Variants in OPTN observed in about 807,000 individuals in gnomAD.
OPTN encodes the protein E3-14.7K-interacting protein.
Under a neutral mutation model 70.4 loss-of-function variants are expected in OPTN, and 54 were observed. That is an observed-to-expected ratio of 0.77 (90% CI 0.62 to 0.96). OPTN has a LOEUF of 0.96. OPTN is among the 40% of genes least tolerant of loss of function. The probability of loss-of-function intolerance (pLI) is 0.00; values close to 1 mark genes in which losing one functional copy is unlikely to be tolerated. For missense variants in OPTN, 624 were observed against 673.2 expected, an observed-to-expected ratio of 0.93 and a Z score of 0.81; for synonymous variants, 256 against 248.5, an observed-to-expected ratio of 1.03 and a Z score of -0.28.
intron 14 of OPTN, among the ~76,000 whole-genome samples, chr10:13,134,274 G>T (rs1039335027): frequency 6.6e-6 from 1 of 152,062 alleles, no homozygotes; most frequent in Non-Finnish European, 1.5e-5. Flanking sequence ...TCTCTTTCCA[G>T]TGACCTCTTA....
At position 13,112,586 on chromosome 10, in the gene OPTN, T is replaced by G. The variant is rs750224661; in HGVS notation, c.503T>G (p.Leu168Arg). Residue 168 changes from leucine (L) to arginine (R), a missense_variant, in exon 5 of 15, where the codon CTG becomes CGG. By Grantham distance (102) the Leu-to-Arg change is moderately radical. Coordinates refer to ENST00000378747, the MANE Select transcript of OPTN (RefSeq NM_001008212.2). Reference sequence around the variant, plus strand: ...ATCGTGTCTGAACTGCAGCTCAAGCTGAACTCCAGCGGCTCCTCAGAAGAT... The same window carrying G: ...ATCGTGTCTGAACTGCAGCTCAAGCGGAACTCCAGCGGCTCCTCAGAAGAT... ...LGIVSELQLK[L>R]NSSGSSEDSF... 1.9e-6 allele frequency: 3 copies of G among 1,614,186 alleles called. No individual in the cohort carries two copies. Among genetic ancestry groups the G allele is most frequent in the South Asian group, 1.1e-5 (1 of 91,088 alleles).
rs1165425749 is a variant in OPTN at position 13,112,152 on chromosome 10, C to CTTTTTTTT, written c.370-290_370-283dup. ...GCGTGAGCCACCACGCCTGGCTTGGCTTTTTTTTTTTTTTTTTTGAGACAG... is the reference window on the plus strand; with the variant it reads ...GCGTGAGCCACCACGCCTGGCTTGGCTTTTTTTTTTTTTTTTTTTTTTTTTTGAGACAG... On this transcript the variant is annotated intron_variant, in intron 4 of 14. Coordinates refer to ENST00000378747, the MANE Select transcript of OPTN (RefSeq NM_001008212.2). 1.6e-5 allele frequency among the ~76,000 whole-genome samples: 2 copies of CTTTTTTTT among 122,852 alleles called. 1 individual carries two copies. The highest frequency in any genetic ancestry group is 6.1e-5 in the African/African-American group (2 of 32,640). 80.6% of individuals were successfully genotyped at this position (122,852 alleles called of 152,430 possible). A position where few individuals can be genotyped will look rare whatever the true frequency, so the allele number is the denominator to read the frequency against.
chr10:13,117,303 A>C (rs2131502726), intron 6 of OPTN, among the ~76,000 whole-genome samples: 1 of 151,504 alleles, frequency 6.6e-6, no homozygotes, highest in East Asian at 2.0e-4. Context: ...GATGGTCTCG[A>C]TCTCCTGACC....
intron 13 of OPTN, 88 bp from the exon 14 acceptor site, chr10:13,133,414 T>C (rs1001748494): frequency 2.0e-5 from 23 of 1,161,400 alleles, no homozygotes; most frequent in African/African-American, 2.0e-4. Flanking sequence ...GAGTCTTTTT[T>C]CCCCTACTTC....
intron 1 of OPTN, among the ~76,000 whole-genome samples, chr10:13,102,947 T>TTA (rs1832782015): frequency 6.8e-6 from 1 of 146,898 alleles, no homozygotes; most frequent in Admixed American, 6.8e-5. Context: ...AGTCTTAATT[T>TTA]AAAAAAAAAA....
chr10:13,110,161 A>G, intron 3 of OPTN, 113 bp from the exon 4 acceptor site: 1 of 1,552,028 alleles, frequency 6.4e-7, no homozygotes, highest in Non-Finnish European at 8.7e-7. Flanking sequence ...AAGGCTAAGC[A>G]TGGCATCTTT....
At chr10:13,116,601 G>A (rs1426657494) in intron 6 of OPTN, 1 of 529,834 alleles carries the variant, frequency 1.9e-6, no homozygotes, top group Non-Finnish European at 3.4e-6. Context: ...GATGAAAAGT[G>A]AAAGCAAACT....
At chr10:13,115,912 A>C (rs1314120907) in intron 5 of OPTN, among the ~76,000 whole-genome samples, 1 of 152,010 alleles carries the variant, frequency 6.6e-6, no homozygotes, top group African/African-American at 2.4e-5. Flanking sequence ...GGATATGTGG[A>C]GTTGTCACCA....
At chr10:13,108,671 C>T (rs1052251608) in intron 2 of OPTN, among the ~76,000 whole-genome samples, 2 of 151,950 alleles carry the variant, frequency 1.3e-5, no homozygotes, top group Admixed American at 6.6e-5. Flanking sequence ...CTCAGCCTCC[C>T]GAGTAGCTGG....
chr10:13,114,893 AT>A, intron 5 of OPTN, among the ~76,000 whole-genome samples: 1 of 91,544 alleles, frequency 1.1e-5, no homozygotes, highest in Non-Finnish European at 2.1e-5. Flanking sequence ...ATACACTTAC[AT>A]ATGTATCTGT....
Position 13,132,195 on chromosome 10 carries a change from C to T in OPTN, c.1530C>T (p.Gly510=). ...LKENDAFEDG[G]RQSLMEMQSR... ...AGAATGATGCTTTCGAAGACGGAGGCAGGTAAGGAAAAGAGAGAGGAGGAC... is the reference window on the plus strand; with the variant it reads ...AGAATGATGCTTTCGAAGACGGAGGTAGGTAAGGAAAAGAGAGAGGAGGAC... The change falls in exon 13 of 15, where the codon GGC becomes GGT. Residue 510 remains glycine (G), a splice_region_variant and synonymous_variant. Transcript: ENST00000378747. 6.2e-7 allele frequency: 1 copy of T among 1,611,922 alleles called. No homozygotes were observed. The highest frequency in any genetic ancestry group is 1.3e-5 in the African/African-American group (1 of 74,938).
chr10:13,128,881 G>A lies in OPTN; in HGVS notation c.1401+978G>A, dbSNP rs116450846. Among the ~76,000 whole-genome samples the A allele has an allele frequency of 5.5e-3, 836 of 152,078 alleles. 8 individuals are homozygous for A. The highest frequency in any genetic ancestry group is 0.019 in the African/African-American group (786 of 41,466). ...AAATGTAATGACTTCTATGTATACT[G>A]CACATACAAGTCTTTGTCAGTTATT... On this transcript the variant is annotated intron_variant, in intron 12 of 14. Coordinates refer to ENST00000378747, the MANE Select transcript of OPTN (RefSeq NM_001008212.2).
chr10:13,107,042 G>C (rs908085767), intron 1 of OPTN, among the ~76,000 whole-genome samples: 2 of 152,082 alleles, frequency 1.3e-5, no homozygotes, highest in African/African-American at 4.8e-5. Flanking sequence ...AGTGTACATT[G>C]GTGCTTAATA....
chr10:13,121,329 CT>C (rs1418334626), intron 7 of OPTN, among the ~76,000 whole-genome samples: 1 of 151,902 alleles, frequency 6.6e-6, no homozygotes, highest in East Asian at 1.9e-4. Context: ...TTAGGATCAG[CT>C]TGTTAATTTG....
intron 11 of OPTN, among the ~76,000 whole-genome samples, chr10:13,126,839 G>A (rs1461776127): frequency 2.0e-5 from 3 of 152,108 alleles, no homozygotes; most frequent in Non-Finnish European, 2.9e-5. Flanking sequence ...ACCAGCCTGG[G>A]CAACAGGGAG....
chr10:13,120,568 C>T (rs1028458559), intron 7 of OPTN, among the ~76,000 whole-genome samples: 3 of 140,906 alleles, frequency 2.1e-5, no homozygotes, highest in Admixed American at 7.1e-5. Flanking sequence ...GAGACTCTGT[C>T]TCAAAAAAAA....
rs1032995507 is a variant in OPTN, at chr10:13,136,758, G to A, written c.1626G>A (p.Arg542=). 2 of 1,614,022 alleles carry A rather than the reference G, an allele frequency of 1.2e-6. No homozygotes were observed. The stretch of plus-strand genomic sequence containing the variant: ...ACTTATTCCCAGGAGCTGAGGACAG[G>A]GACTGGCGGCAACAGCGGAATATTC... The part of the protein sequence containing the change: ...AYLVQRGAED[R]DWRQQRNIPI... Residue 542 remains arginine, a synonymous_variant, in exon 15 of 15, where the codon AGG becomes AGA. Transcript: ENST00000378747.
Position 13,137,258 on chromosome 10 carries a change from G to A in OPTN, c.*392G>A. 5.8e-6 allele frequency: 2 copies of A among 346,016 alleles called. No homozygotes were observed. Among genetic ancestry groups the A allele is most frequent in the South Asian group, 3.7e-5 (1 of 26,672 alleles). The allele number at this position is 346,016 out of a possible 1,614,324, so 21.4% of individuals were successfully genotyped here. On this transcript the variant is annotated 3_prime_UTR_variant, in exon 15 of 15. Coordinates refer to ENST00000378747, the MANE Select transcript of OPTN (RefSeq NM_001008212.2). ...GACACCACTGCACTCCAGCCTGGGT[G>A]ACAGAGGGAGACTCTGTCTCGAAAG... is the stretch of plus-strand genomic sequence containing the variant.
chr10:13,116,434 G>A (rs1833212066), intron 6 of OPTN, 94 bp downstream of exon 6: 1 of 831,386 alleles, frequency 1.2e-6, no homozygotes, highest in African/African-American at 1.7e-5. Context: ...GTGACCTGAG[G>A]AAGTAACTTC....
Sources: allele counts gnomAD v4.1 joint callset (sites outside exome capture counted in the v4.1 genomes callset), GRCh38; gene constraint gnomAD v4.1.1; transcripts MANE v1.5; gene names NCBI Gene and HGNC (gene_info 2026-07-23, HGNC 2026-07-21).